EPB41L4B: variants seen among roughly 807,000 people sequenced by gnomAD.
EPB41L4B encodes the protein erythrocyte membrane protein band 4.1 like 4B, also known as band 4.1-like protein 4B.
Under a neutral mutation model 112.5 loss-of-function variants are expected in EPB41L4B, and 30 were observed. That is an observed-to-expected ratio of 0.27 (90% CI 0.20 to 0.36). The LOEUF is 0.36. Ranked by LOEUF, EPB41L4B falls within the 10% of genes least tolerant of loss-of-function variation. The probability of loss-of-function intolerance (pLI) is 1.00; values close to 1 mark genes in which losing one functional copy is unlikely to be tolerated. For synonymous variants in EPB41L4B, 408 were observed against 439.7 expected (o/e 0.93, Z 0.90); for missense variants, 1,024 against 1,133.3 (o/e 0.90, Z 1.38).
chr9:109,255,704 T>C, intron 10 of EPB41L4B, 24 bp from the exon 11 acceptor site: 1 of 1,610,668 alleles, frequency 6.2e-7, no homozygotes, highest in South Asian at 1.1e-5. Flanking sequence ...CACAAGGGCC[T>C]CGAGTGGGCG....
intron 1 of EPB41L4B, among the ~76,000 whole-genome samples, chr9:109,288,415 T>C (rs1358933881): frequency 6.6e-6 from 1 of 151,992 alleles, no homozygotes; most frequent in Non-Finnish European, 1.5e-5. Flanking sequence ...AAACCCCATC[T>C]ATACAGACAA....
chr9:109,266,402 G>A (rs1835401970), intron 4 of EPB41L4B, among the ~76,000 whole-genome samples: 1 of 151,910 alleles, frequency 6.6e-6, no homozygotes, highest in South Asian at 2.1e-4. Context: ...GGGAAATGGT[G>A]ATAACCAGTC....
chr9:109,252,322 T>A (rs982423956), intron 12 of EPB41L4B, among the ~76,000 whole-genome samples: 4 of 152,216 alleles, frequency 2.6e-5, no homozygotes, highest in African/African-American at 9.6e-5. Context: ...CACACCAGCA[T>A]AATCCTCCTC....
intron 16 of EPB41L4B, among the ~76,000 whole-genome samples, chr9:109,215,270 ACTTTTCTTTT>A (rs758384571): frequency 5.9e-5 from 9 of 152,038 alleles, no homozygotes; most frequent in Non-Finnish European, 1.0e-4. Flanking sequence ...CCACTTCAGT[ACTTTTCTTTT>A]CTTTTCTTTT....
chr9:109,288,046 A>G (rs1012344777), intron 1 of EPB41L4B, among the ~76,000 whole-genome samples: 2 of 152,226 alleles, frequency 1.3e-5, no homozygotes, highest in African/African-American at 4.8e-5. Flanking sequence ...CGTCCCTCCA[A>G]ATTCATACAT....
At chr9:109,200,376 GT>G in intron 19 of EPB41L4B, 42 bp from the exon 20 acceptor site, 1 of 1,506,916 alleles carries the variant, frequency 6.6e-7, no homozygotes, top group African/African-American at 1.4e-5. Context: ...ATCAAAAAAG[GT>G]TTATGGTCTC....
intron 22 of EPB41L4B, among the ~76,000 whole-genome samples, chr9:109,188,217 A>G: frequency 6.6e-6 from 1 of 152,158 alleles, no homozygotes; most frequent in Admixed American, 6.5e-5. Flanking sequence ...ACCATTGGAG[A>G]GAAAAGTCAG....
intron 1 of EPB41L4B, among the ~76,000 whole-genome samples, chr9:109,317,169 G>A (rs549201528): frequency 6.6e-6 from 1 of 152,238 alleles, no homozygotes; most frequent in East Asian, 1.9e-4. Context: ...ACCAGAGAAG[G>A]GGGCTCCAAG....
chr9:109,293,341 T>C (rs1405680554), intron 1 of EPB41L4B, among the ~76,000 whole-genome samples: 5 of 151,964 alleles, frequency 3.3e-5, no homozygotes, highest in Non-Finnish European at 7.4e-5. Context: ...TAGGTTTCAT[T>C]TGCTTGAAGA....
intron 15 of EPB41L4B, among the ~76,000 whole-genome samples, chr9:109,219,576 G>A (rs897529628): frequency 1.3e-5 from 2 of 151,756 alleles, no homozygotes; most frequent in African/African-American, 2.4e-5. Context: ...TAGCCAGGAC[G>A]GTCTCGATCT....
chr9:109,212,424 T>C (rs1833214367), intron 17 of EPB41L4B, among the ~76,000 whole-genome samples: 1 of 152,176 alleles, frequency 6.6e-6, no homozygotes, highest in South Asian at 2.1e-4. Context: ...AGAGCCATCC[T>C]GCAGGAGGAA....
chr9:109,223,921 A>G (rs1006677716), intron 15 of EPB41L4B, among the ~76,000 whole-genome samples: 1 of 152,178 alleles, frequency 6.6e-6, no homozygotes, highest in East Asian at 1.9e-4. Context: ...CTGGAGGCTG[A>G]AGCACGAGAA....
intron 5 of EPB41L4B, 44 bp from the exon 6 acceptor site, chr9:109,263,146 G>C: frequency 8.2e-7 from 1 of 1,222,852 alleles, no homozygotes; most frequent in Non-Finnish European, 1.2e-6. Context: ...AGGAACTTAA[G>C]TACAACCATA....
Position 109,309,755 on chromosome 9 carries a change from CAGAGAGAG to C in EPB41L4B, c.306+10378_306+10385del, listed in dbSNP as rs34950010. 3.7e-3 allele frequency among the ~76,000 whole-genome samples: 523 copies of C among 142,200 alleles called. 1 individual carries two copies. Among genetic ancestry groups the C allele is most frequent in the African/African-American group, 9.8e-3 (370 of 37,860 alleles). The allele number at this position is 142,200 out of a possible 152,430, so 93.3% of individuals were successfully genotyped here. On this transcript the variant is annotated intron_variant, in intron 1 of 25. Transcript: ENST00000374566. ...TCTCTATTATTAAGAAATACACACA[CAGAGAGAG>C]AGAGAGAGAGAGAGAGAGAGAGAGA...
At chr9:109,283,768 T>C (rs906216592) in intron 1 of EPB41L4B, among the ~76,000 whole-genome samples, 2 of 152,044 alleles carry the variant, frequency 1.3e-5, no homozygotes, top group East Asian at 3.9e-4. Context: ...CGGGATTACA[T>C]CTCAATAAAC....
chr9:109,175,083 A>C (rs373762844), intron 25 of EPB41L4B, among the ~76,000 whole-genome samples: 3 of 151,582 alleles, frequency 2.0e-5, no homozygotes, highest in African/African-American at 7.3e-5. Flanking sequence ...TGCCAAGCTA[A>C]TTTTTTGTAT....
chr9:109,241,109 T>C lies in EPB41L4B; in HGVS notation c.1409+2509A>G, dbSNP rs1289965577. The C allele has an allele frequency of 4.1e-6, 4 of 985,532 alleles. No homozygotes were observed. The South Asian group carries it at 1.4e-4, about 35-fold the overall frequency. The allele number at this position is 985,532 out of a possible 1,614,324, so 61.0% of individuals were successfully genotyped here. ...TTCCTTGTGATAAAATTAGTTTGAA[T>C]GTATGTCCTCAACCTAAACAAAATG... On this transcript the variant is annotated intron_variant, in intron 15 of 25. Coordinates refer to ENST00000374566, the MANE Select transcript of EPB41L4B (RefSeq NM_019114.5).
At chr9:109,293,540 G>A (rs973894918) in intron 1 of EPB41L4B, among the ~76,000 whole-genome samples, 5 of 151,586 alleles carry the variant, frequency 3.3e-5, no homozygotes, top group African/African-American at 4.8e-5. Context: ...CCGCCACCAC[G>A]CTCGGCTAAT....
Position 109,256,164 on chromosome 9 carries a change from C to T in EPB41L4B, c.901G>A (p.Gly301Arg). The change falls in exon 9 of 26, where the codon GGA (glycine) becomes AGA (arginine). Residue 301 changes from glycine (G) to arginine (R), a missense_variant. Transcript: ENST00000374566. Reference protein sequence around the residue: ...LTPTGILIFEGANKIGLFFWP... With the variant: ...LTPTGILIFERANKIGLFFWP... Reference sequence around the variant, plus strand: ...AAGAATAAGCCTATTTTGTTAGCTCCTTCAAAGATTAATATGCCTGTCGGG... The same window carrying T: ...AAGAATAAGCCTATTTTGTTAGCTCTTTCAAAGATTAATATGCCTGTCGGG... 6.2e-7 allele frequency: 1 copy of T among 1,614,074 alleles called. No homozygotes were observed. The highest frequency in any genetic ancestry group is 8.5e-7 in the Non-Finnish European group (1 of 1,179,954).
Sources: gnomAD v4.1 joint callset for allele counts (sites outside exome capture counted in the v4.1 genomes callset) on GRCh38, gnomAD v4.1.1 for gene constraint, MANE v1.5 for transcripts, NCBI Gene and HGNC (gene_info 2026-07-23, HGNC 2026-07-21) for gene names.